The following STXBP6 variants were observed in gnomAD, a reference collection of about 807,000 sequenced individuals.
STXBP6 encodes syntaxin-binding protein 6.
A neutral mutation model predicts 26.9 loss-of-function variants in STXBP6; 21 were observed. That is an observed-to-expected ratio of 0.78 (90% confidence interval 0.55 to 1.12). STXBP6 has a LOEUF of 1.12. Among genes scored for constraint, STXBP6 ranks in the 50% most tolerant of loss-of-function variants. The pLI, the probability that STXBP6 is intolerant of heterozygous loss-of-function variation, is 0.00. For missense variants in STXBP6, 232 were observed against 257.9 expected (o/e 0.90, Z 0.69); for synonymous variants, 97 against 92.6 (o/e 1.05, Z -0.27).
chr14:24,963,970 T>TAAAAAAAAAAAAAAA (rs768793147), intron 2 of STXBP6, among the ~76,000 whole-genome samples: 1 of 64,692 alleles, frequency 1.5e-5, no homozygotes, highest in Non-Finnish European at 3.0e-5. Context: ...AGCAAGTTTC[T>TAAAAAAAAAAAAAAA]AAAAAAAAAA....
intron 2 of STXBP6, among the ~76,000 whole-genome samples, chr14:24,914,728 A>G (rs942513044): frequency 2.6e-5 from 4 of 152,138 alleles, no homozygotes; most frequent in African/African-American, 9.7e-5. Flanking sequence ...TTTAAGATGC[A>G]CATCAGAAAA....
intron 2 of STXBP6, among the ~76,000 whole-genome samples, chr14:24,895,164 A>G (rs1045386783): frequency 5.3e-5 from 8 of 152,216 alleles, no homozygotes; most frequent in Non-Finnish European, 1.0e-4. Context: ...TAGTTGGCCA[A>G]AATAGTGGTA....
At chr14:24,839,501 C>T (rs367959572) in intron 4 of STXBP6, among the ~76,000 whole-genome samples, 2 of 145,844 alleles carry the variant, frequency 1.4e-5, no homozygotes, top group East Asian at 2.0e-4. Context: ...GACATTATAC[C>T]CTACGTCTTG....
chr14:24,942,505 G>A (rs902215941), intron 2 of STXBP6, among the ~76,000 whole-genome samples: 1 of 152,206 alleles, frequency 6.6e-6, no homozygotes, highest in African/African-American at 2.4e-5. Flanking sequence ...GCCACACTGA[G>A]TGGAAGTCAG....
chr14:24,863,133 A>G (rs1436356537), intron 2 of STXBP6, among the ~76,000 whole-genome samples: 1 of 152,132 alleles, frequency 6.6e-6, no homozygotes, highest in Non-Finnish European at 1.5e-5. Flanking sequence ...GTAGTCCTGG[A>G]CTATTACATT....
chr14:25,020,573 C>T (rs1183363158), intron 1 of STXBP6, among the ~76,000 whole-genome samples: 1 of 152,176 alleles, frequency 6.6e-6, no homozygotes, highest in Non-Finnish European at 1.5e-5. Flanking sequence ...TCTGAAATGT[C>T]TCTGAATGTC....
At chr14:24,899,630 A>G (rs965278240) in intron 2 of STXBP6, among the ~76,000 whole-genome samples, 1 of 151,696 alleles carries the variant, frequency 6.6e-6, no homozygotes, top group Non-Finnish European at 1.5e-5. Context: ...AAAATACAAA[A>G]ATTAGCTGGG....
chr14:25,044,538 C>G (rs1204578849), intron 1 of STXBP6, among the ~76,000 whole-genome samples: 1 of 152,166 alleles, frequency 6.6e-6, no homozygotes, highest in African/African-American at 2.4e-5. Flanking sequence ...CTGAGTGTTG[C>G]GCCTCCACTC....
intron 1 of STXBP6, among the ~76,000 whole-genome samples, chr14:25,034,416 G>A (rs139478481): frequency 2.9e-3 from 434 of 152,158 alleles, no homozygotes; most frequent in Admixed American, 5.4e-3. Flanking sequence ...CATCCCTCAC[G>A]TAAGCTGAGC....
intron 2 of STXBP6, among the ~76,000 whole-genome samples, chr14:24,869,078 T>C (rs912270044): frequency 6.6e-6 from 1 of 152,242 alleles, no homozygotes; most frequent in Non-Finnish European, 1.5e-5. Flanking sequence ...CCTGGTAGGG[T>C]GCCCTACTGA....
chr14:24,909,697 C>A (rs980117846), intron 2 of STXBP6, among the ~76,000 whole-genome samples: 1 of 151,330 alleles, frequency 6.6e-6, no homozygotes, highest in African/African-American at 2.4e-5. Flanking sequence ...TCCTGGATTC[C>A]AGAGCATTGT....
At chr14:24,865,475 G>C (rs1198724512) in intron 2 of STXBP6, among the ~76,000 whole-genome samples, 1 of 152,178 alleles carries the variant, frequency 6.6e-6, no homozygotes, top group African/African-American at 2.4e-5. Context: ...GAGAGACACA[G>C]AGAAAACTCT....
chr14:24,859,240 C>G (rs1236030637), intron 2 of STXBP6, among the ~76,000 whole-genome samples: 1 of 152,148 alleles, frequency 6.6e-6, no homozygotes, highest in Non-Finnish European at 1.5e-5. Context: ...GAGGCAGTTG[C>G]AACTCTATCC....
At position 24,829,594 on chromosome 14, in the gene STXBP6, C is replaced by T. The variant is rs577852977; in HGVS notation, c.452-10400G>A. On this transcript the variant is annotated intron_variant, in intron 4 of 5. Coordinates refer to ENST00000323944, the MANE Select transcript of STXBP6 (RefSeq NM_001394410.1). ...CACTGGTTACTCAACCATTGATGTA[C>T]TTTCCTTCTATAATCACCTAGTAAT... is the stretch of plus-strand genomic sequence containing the variant. Among the ~76,000 whole-genome samples, 7 of 152,244 alleles carry T rather than the reference C, an allele frequency of 4.6e-5. No homozygotes were observed. In the East Asian group the frequency reaches 1.4e-3, roughly 29 times the overall value.
At position 24,829,056 on chromosome 14, in the gene STXBP6, GCCCTGTGCC is replaced by G. The variant is rs954725776; in HGVS notation, c.452-9871_452-9863del. On this transcript the variant is annotated intron_variant, in intron 4 of 5. Transcript: ENST00000323944. Reference sequence around the variant, plus strand: ...GAATCACCTTGGGAGAATAAACCAGGCCCTGTGCCCCCTGTGCCCCCACTAAAAATCAAC... The same window carrying G: ...GAATCACCTTGGGAGAATAAACCAGGCCCTGTGCCCCCACTAAAAATCAAC... Among the ~76,000 whole-genome samples the G allele has an allele frequency of 7.9e-5, 12 of 152,166 alleles. 2 individuals are homozygous for G. Among genetic ancestry groups the G allele is most frequent in the Admixed American group, 5.2e-4 (8 of 15,262 alleles).
At chr14:25,034,930 C>G (rs1013337637) in intron 1 of STXBP6, among the ~76,000 whole-genome samples, 28 of 152,104 alleles carry the variant, frequency 1.8e-4, no homozygotes, top group Non-Finnish European at 3.7e-4. Flanking sequence ...GGGGGCAGAT[C>G]ACCCGAAGTC....
At chr14:24,916,355 A>G (rs780764853) in intron 2 of STXBP6, among the ~76,000 whole-genome samples, 6 of 152,162 alleles carry the variant, frequency 3.9e-5, no homozygotes, top group Non-Finnish European at 5.9e-5. Flanking sequence ...GCATAATCAC[A>G]TAACACCTTT....
At chr14:24,844,994 C>T (rs1232313022) in intron 4 of STXBP6, among the ~76,000 whole-genome samples, 4 of 150,318 alleles carry the variant, frequency 2.7e-5, no homozygotes, top group Non-Finnish European at 4.4e-5. Context: ...AACTGATTTT[C>T]AATATCTCCA....
At chr14:24,830,250 G>A (rs2068418324) in intron 4 of STXBP6, among the ~76,000 whole-genome samples, 1 of 151,958 alleles carries the variant, frequency 6.6e-6, no homozygotes, top group Non-Finnish European at 1.5e-5. Flanking sequence ...TTAAAATAGG[G>A]GTAATCTGGA....
Sources: gnomAD v4.1 joint callset for allele counts (sites outside exome capture counted in the v4.1 genomes callset) on GRCh38, gnomAD v4.1.1 for gene constraint, MANE v1.5 for transcripts, NCBI Gene and HGNC (gene_info 2026-07-23, HGNC 2026-07-21) for gene names.